Variants in DGLUCY observed in about 807,000 individuals in gnomAD.
DGLUCY encodes D-glutamate cyclase, mitochondrial.
DGLUCY carries 58 observed loss-of-function variants against 58.5 expected under a neutral mutation model. The observed-to-expected ratio is 0.99, with a 90% CI of 0.80 to 1.23. DGLUCY has a LOEUF of 1.23. Ranked by LOEUF, DGLUCY falls within the 50% of genes most tolerant of loss-of-function variation. The pLI is 0.00. For missense variants in DGLUCY, 779 were observed against 784.7 expected, an observed-to-expected ratio of 0.99 and a Z score of 0.09; for synonymous variants, 325 against 314.1, an observed-to-expected ratio of 1.03 and a Z score of -0.37.
chr14:91,165,796 A>T (rs2048250150), intron 3 of DGLUCY, among the ~76,000 whole-genome samples: 1 of 152,210 alleles, frequency 6.6e-6, no homozygotes, highest in African/African-American at 2.4e-5. Context: ...CACTTTGGAA[A>T]ACTGCTTGGC....
intron 1 of DGLUCY, among the ~76,000 whole-genome samples, chr14:91,108,518 TGTGTGTGTGAGAGAGA>T (rs759966065): frequency 6.4e-5 from 6 of 93,164 alleles, no homozygotes; most frequent in South Asian, 3.9e-4. Flanking sequence ...TGTGTGTGTG[TGTGTGTGTGAGAGAGA>T]GAGAGAGAGA....
At chr14:91,174,286 T>A (rs564969742) in intron 6 of DGLUCY, among the ~76,000 whole-genome samples, 1 of 152,274 alleles carries the variant, frequency 6.6e-6, no homozygotes, top group South Asian at 2.1e-4. Context: ...CAATATCCTT[T>A]ATTTAATTTA....
intron 12 of DGLUCY, among the ~76,000 whole-genome samples, chr14:91,207,050 T>TG (rs563395046): frequency 1.4e-5 from 2 of 146,448 alleles, no homozygotes; most frequent in Non-Finnish European, 3.0e-5. Context: ...CCTGGCTACG[T>TG]GGGGGGGCTG....
chr14:91,118,762 G>A (rs1019644432), intron 1 of DGLUCY, among the ~76,000 whole-genome samples: 1 of 152,078 alleles, frequency 6.6e-6, no homozygotes, highest in Non-Finnish European at 1.5e-5. Context: ...GCTGAAAGGG[G>A]GTCCATTCAA....
Position 91,066,954 on chromosome 14 carries a change from G to A in DGLUCY, c.-82+6250G>A, listed in dbSNP as rs373449822. ...AAATTAGCCGTGCATGGTGGCGGGC[G>A]CCAGTAGTCCCAGCTACTTGGGAGG... On this transcript the variant is annotated intron_variant, in intron 1 of 4. Coordinates refer to the DGLUCY transcript ENST00000521334. Among the ~76,000 whole-genome samples the A allele has an allele frequency of 5.3e-5, 8 of 151,604 alleles. No individual in the cohort carries two copies. The South Asian group carries it at 1.0e-3, about 20-fold the overall frequency.
At position 91,224,892 on chromosome 14, in the gene DGLUCY, A is replaced by G. The variant is rs1221798791; in HGVS notation, c.*59A>G. The G allele has an allele frequency of 3.3e-6, 5 of 1,493,976 alleles. No homozygotes were observed. Among genetic ancestry groups the G allele is most frequent in the Non-Finnish European group, 4.5e-6 (5 of 1,107,954 alleles). 92.5% of individuals were successfully genotyped at this position (1,493,976 alleles called of 1,614,324 possible). A position where few individuals can be genotyped will look rare whatever the true frequency, so the allele number is the denominator to read the frequency against. On this transcript the variant is annotated 3_prime_UTR_variant, in exon 14 of 14. Coordinates refer to ENST00000256324, the MANE Select transcript of DGLUCY (RefSeq NM_001102368.3). Reference sequence around the variant, plus strand: ...AACGGGCAGGTCTGCATCCGGGGAGAATGCAGCTGCTTCTGGCGACAATCC... The same window carrying G: ...AACGGGCAGGTCTGCATCCGGGGAGGATGCAGCTGCTTCTGGCGACAATCC...
intron 3 of DGLUCY, among the ~76,000 whole-genome samples, chr14:91,166,224 C>A (rs1187129287): frequency 6.6e-6 from 1 of 152,174 alleles, no homozygotes; most frequent in Non-Finnish European, 1.5e-5. Context: ...ATTCATCAAG[C>A]TGTAGGTTCG....
At chr14:91,089,977 A>G (rs927088262) in intron 1 of DGLUCY, among the ~76,000 whole-genome samples, 3 of 152,158 alleles carry the variant, frequency 2.0e-5, no homozygotes, top group East Asian at 1.9e-4. Flanking sequence ...CAAAACCTCT[A>G]TGCACCCTAC....
At chr14:91,153,871 C>T (rs1033223877) in intron 1 of DGLUCY, among the ~76,000 whole-genome samples, 2 of 152,122 alleles carry the variant, frequency 1.3e-5, no homozygotes, top group African/African-American at 4.8e-5. Flanking sequence ...GACATGCACC[C>T]AAGGTGGTCG....
At chr14:91,170,754 C>T (rs1455836478) in intron 5 of DGLUCY, among the ~76,000 whole-genome samples, 4 of 152,128 alleles carry the variant, frequency 2.6e-5, no homozygotes, top group African/African-American at 7.2e-5. Context: ...TGAGTGCACT[C>T]GATTCCCTGG....
chr14:91,144,416 T>G (rs1444048137), intron 1 of DGLUCY, among the ~76,000 whole-genome samples: 8 of 152,086 alleles, frequency 5.3e-5, no homozygotes, highest in African/African-American at 1.9e-4. Flanking sequence ...AGAAATTAGC[T>G]GGGCATGGTG....
At chr14:91,185,982 G>C (rs939398763) in intron 8 of DGLUCY, among the ~76,000 whole-genome samples, 1 of 152,030 alleles carries the variant, frequency 6.6e-6, no homozygotes, top group Admixed American at 6.5e-5. Context: ...ACAGCATCTT[G>C]AGCGTTACTC....
chr14:91,217,931 G>A (rs1271124672), intron 13 of DGLUCY, among the ~76,000 whole-genome samples: 2 of 152,060 alleles, frequency 1.3e-5, no homozygotes, highest in Non-Finnish European at 2.9e-5. Context: ...TGGATTGGTG[G>A]TGTCATTCCC....
intron 3 of DGLUCY, 71 bp from the exon 4 acceptor site, chr14:91,167,150 AAAAG>A (rs1335971664): frequency 1.4e-4 from 205 of 1,498,574 alleles, no homozygotes; most frequent in Middle Eastern, 5.1e-4. Flanking sequence ...AAAAAAAAAA[AAAAG>A]AAAGAAAATC....
chr14:91,133,602 T>C (rs931654452), intron 1 of DGLUCY, among the ~76,000 whole-genome samples: 1 of 152,136 alleles, frequency 6.6e-6, no homozygotes, highest in Non-Finnish European at 1.5e-5. Flanking sequence ...TTTCCTAGGA[T>C]AGTCTTATAC....
intron 1 of DGLUCY, among the ~76,000 whole-genome samples, chr14:91,102,372 A>G (rs1408507829): frequency 6.6e-6 from 1 of 152,240 alleles, no homozygotes; most frequent in Middle Eastern, 3.4e-3. Context: ...CTTTTGTCTC[A>G]TGTCCAATAG....
intron 1 of DGLUCY, among the ~76,000 whole-genome samples, chr14:91,151,641 A>C (rs1273335939): frequency 7.0e-6 from 1 of 141,860 alleles, no homozygotes; most frequent in Non-Finnish European, 1.6e-5. Context: ...CATCTTTTTT[A>C]TTTTTTCTTT....
chr14:91,135,113 A>G (rs1197756944), intron 1 of DGLUCY, among the ~76,000 whole-genome samples: 2 of 151,924 alleles, frequency 1.3e-5, no homozygotes, highest in Non-Finnish European at 2.9e-5. Flanking sequence ...TTGTAGAGAC[A>G]GGGTTTCTCT....
rs749576745 is a variant in DGLUCY, at chr14:91,189,021, A to G, written c.1046A>G (p.Asn349Ser). 1.6e-5 allele frequency: 26 copies of G among 1,614,108 alleles called. No homozygotes were observed. In the South Asian group the frequency reaches 2.0e-4, roughly 12 times the overall value. Residue 349 changes from asparagine to serine, a missense_variant, in exon 9 of 14, where the codon AAT becomes AGT. Transcript: ENST00000256324. ...LITTGFPTHFNHEPPEETDGP... is the reference protein window; with the variant it reads ...LITTGFPTHFSHEPPEETDGP... ...ACCACTGGGTTCCCCACACATTTCA[A>G]TCATGAGCCTCCAGAAGAGACAGAT...
Sources: allele counts gnomAD v4.1 joint callset (sites outside exome capture counted in the v4.1 genomes callset), GRCh38; gene constraint gnomAD v4.1.1; transcripts MANE v1.5; gene names NCBI Gene and HGNC (gene_info 2026-07-23, HGNC 2026-07-21).